The following LRMDA variants were observed in gnomAD, a reference collection of about 807,000 sequenced individuals.
LRMDA encodes the protein leucine-rich melanocyte differentiation-associated protein.
LRMDA carries 18 observed loss-of-function variants against 29.8 expected under a neutral mutation model. That is an observed-to-expected ratio of 0.60 (90% CI 0.42 to 0.90). The LOEUF (loss-of-function observed/expected upper bound fraction) is 0.90, where lower values mean the gene tolerates loss of function less well. Among genes scored for constraint, LRMDA ranks in the 40% least tolerant of loss-of-function variants. The probability of loss-of-function intolerance (pLI) is 0.00; values close to 1 mark genes in which losing one functional copy is unlikely to be tolerated. For missense variants in LRMDA, 273 were observed against 273.9 expected (o/e 1.00, Z 0.02); for synonymous variants, 125 against 109.4 (o/e 1.14, Z -0.89).
At chr10:76,270,512 A>C (rs1421373723) in intron 5 of LRMDA, 1 of 152,436 alleles carries the variant, frequency 6.6e-6, no homozygotes, top group African/African-American at 2.4e-5. Context: ...GGCAGACCTC[A>C]AGGCGTGCAG....
rs571256299 is a variant in LRMDA at position 76,223,474 on chromosome 10, A to G, written c.517-100927A>G. ...ATGTGTCTATAATGTTATAGACTGAATCATGTGTTCCCCCAAAATTCATAT... is the reference window on the plus strand; with the variant it reads ...ATGTGTCTATAATGTTATAGACTGAGTCATGTGTTCCCCCAAAATTCATAT... On this transcript the variant is annotated intron_variant, in intron 5 of 6. Coordinates refer to ENST00000611255, the MANE Select transcript of LRMDA (RefSeq NM_001305581.2). Among the ~76,000 whole-genome samples the G allele has an allele frequency of 3.3e-5, 5 of 152,304 alleles. No homozygotes were observed. The South Asian group carries it at 8.3e-4, about 25-fold the overall frequency.
intron 5 of LRMDA, among the ~76,000 whole-genome samples, chr10:76,232,820 G>T (rs750397151): frequency 5.3e-5 from 8 of 152,216 alleles, no homozygotes; most frequent in Non-Finnish European, 8.8e-5. Context: ...CCTACCCAAA[G>T]GTGGGAAAGT....
intron 6 of LRMDA, among the ~76,000 whole-genome samples, chr10:76,512,290 G>A (rs1331052326): frequency 6.6e-6 from 1 of 152,154 alleles, no homozygotes; most frequent in East Asian, 1.9e-4. Flanking sequence ...TATCAGCAGT[G>A]TGAAAACGGA....
At chr10:76,403,003 A>G (rs1486100226) in intron 6 of LRMDA, among the ~76,000 whole-genome samples, 1 of 151,860 alleles carries the variant, frequency 6.6e-6, no homozygotes, top group East Asian at 2.0e-4. Context: ...TTCAGAGGTC[A>G]CAAATGGGCA....
At chr10:76,146,684 C>T (rs1377058433) in intron 5 of LRMDA, among the ~76,000 whole-genome samples, 1 of 152,154 alleles carries the variant, frequency 6.6e-6, no homozygotes, top group African/African-American at 2.4e-5. Context: ...AGCCCATTTA[C>T]ATTTAAAGTT....
intron 2 of LRMDA, among the ~76,000 whole-genome samples, chr10:75,876,168 A>G (rs1564593924): frequency 6.6e-6 from 1 of 152,236 alleles, no homozygotes; most frequent in Non-Finnish European, 1.5e-5. Flanking sequence ...ACATGGCATG[A>G]AGAGAAGCAG....
intron 5 of LRMDA, among the ~76,000 whole-genome samples, chr10:76,304,621 T>C (rs1186621676): frequency 1.3e-5 from 2 of 152,198 alleles, no homozygotes; most frequent in East Asian, 3.9e-4. Flanking sequence ...GACTTATTGT[T>C]ATCCTCCACC....
chr10:76,129,738 C>A (rs1849951772), intron 5 of LRMDA, among the ~76,000 whole-genome samples: 1 of 152,276 alleles, frequency 6.6e-6, no homozygotes, highest in South Asian at 2.1e-4. Context: ...CACCTTTCCC[C>A]AGCACCCACA....
intron 6 of LRMDA, among the ~76,000 whole-genome samples, chr10:76,515,350 G>A (rs1843049233): frequency 6.6e-6 from 1 of 152,098 alleles, no homozygotes; most frequent in South Asian, 2.1e-4. Context: ...ATCAAAAAAA[G>A]GTTTTGGAAA....
intron 2 of LRMDA, among the ~76,000 whole-genome samples, chr10:75,612,275 A>C (rs747450026): frequency 1.4e-4 from 22 of 152,214 alleles, no homozygotes; most frequent in African/African-American, 5.3e-4. Context: ...TGTGCTCTGA[A>C]CCGTGCTGGG....
intron 2 of LRMDA, among the ~76,000 whole-genome samples, chr10:75,528,043 C>T (rs1233362177): frequency 6.6e-6 from 1 of 152,018 alleles, no homozygotes; most frequent in Admixed American, 6.6e-5. Context: ...GTCTTGGCCT[C>T]CCAAAGTGCT....
chr10:76,209,247 G>A (rs949359521), intron 5 of LRMDA, among the ~76,000 whole-genome samples: 11 of 152,092 alleles, frequency 7.2e-5, no homozygotes, highest in Admixed American at 4.6e-4. Context: ...CCTAAAAACA[G>A]ACTGTGCTTC....
At chr10:75,686,474 A>G (rs1407308255) in intron 2 of LRMDA, among the ~76,000 whole-genome samples, 1 of 152,174 alleles carries the variant, frequency 6.6e-6, no homozygotes, top group African/African-American at 2.4e-5. Flanking sequence ...TGTCTTCCCA[A>G]CCAGACTGTA....
chr10:76,365,832 T>TA, intron 6 of LRMDA, among the ~76,000 whole-genome samples: 1 of 152,218 alleles, frequency 6.6e-6, no homozygotes, highest in Non-Finnish European at 1.5e-5. Context: ...AGTCAATGTC[T>TA]AGAAGGGTTT....
intron 2 of LRMDA, among the ~76,000 whole-genome samples, chr10:75,784,295 C>A (rs78148688): frequency 0.013 from 2,035 of 152,282 alleles, 51 homozygotes; most frequent in African/African-American, 0.047. Flanking sequence ...GGTTATCTTA[C>A]AGTGTTGTTA....
At chr10:76,256,223 T>C (rs975343402) in intron 5 of LRMDA, among the ~76,000 whole-genome samples, 2 of 152,158 alleles carry the variant, frequency 1.3e-5, no homozygotes, top group African/African-American at 4.8e-5. Flanking sequence ...TTTAAGCACT[T>C]TTTCCTCCAA....
At chr10:75,807,753 C>A (rs1843881556) in intron 2 of LRMDA, among the ~76,000 whole-genome samples, 1 of 152,168 alleles carries the variant, frequency 6.6e-6, no homozygotes, top group Admixed American at 6.5e-5. Flanking sequence ...GTTCTTTGAT[C>A]TGCCGTAGAT....
Position 75,957,838 on chromosome 10 carries a change from T to C in LRMDA, c.132-78170T>C, listed in dbSNP as rs1243671398. ...CTAATGTGATGAGGATGACGAGGGC[T>C]TTGATGGATGAGTTAGCTCCATCTG... On this transcript the variant is annotated intron_variant, in intron 2 of 6. Coordinates refer to ENST00000611255, the MANE Select transcript of LRMDA (RefSeq NM_001305581.2). Among the ~76,000 whole-genome samples, 4 of 152,212 alleles carry C rather than the reference T, an allele frequency of 2.6e-5. No homozygotes were observed. The East Asian group carries it at 7.8e-4, about 30-fold the overall frequency.
intron 2 of LRMDA, among the ~76,000 whole-genome samples, chr10:75,918,225 T>C (rs534760222): frequency 6.6e-6 from 1 of 152,312 alleles, no homozygotes; most frequent in African/African-American, 2.4e-5. Context: ...ACAGTGGCCT[T>C]TACCACTACC....
Sources: allele counts gnomAD v4.1 joint callset (sites outside exome capture counted in the v4.1 genomes callset), GRCh38; gene constraint gnomAD v4.1.1; transcripts MANE v1.5; gene names NCBI Gene and HGNC (gene_info 2026-07-23, HGNC 2026-07-21).